PRPF3: variants seen among roughly 807,000 people sequenced by gnomAD.
The protein encoded by PRPF3 is U4/U6 small nuclear ribonucleoprotein Prp3.
A neutral mutation model predicts 89.2 loss-of-function variants in PRPF3; 3 were observed. That is an observed-to-expected ratio of 0.03 (90% CI 0.02 to 0.09). The LOEUF is 0.09. Ranked by LOEUF, PRPF3 falls within the 10% of genes least tolerant of loss-of-function variation. The pLI is 1.00. For missense variants in PRPF3, 463 were observed against 828.8 expected (o/e 0.56, Z 5.42); for synonymous variants, 270 against 289.1 (o/e 0.93, Z 0.67).
intron 9 of PRPF3, among the ~76,000 whole-genome samples, chr1:150,342,493 A>G (rs1657857270): frequency 6.8e-6 from 1 of 146,868 alleles, no homozygotes; most frequent in Admixed American, 6.9e-5. Flanking sequence ...TTCATTTTCT[A>G]TTTAAAGTTT....
intron 5 of PRPF3, 100 bp from the exon 6 acceptor site, chr1:150,332,879 C>A: frequency 1.3e-6 from 2 of 1,484,718 alleles, no homozygotes; most frequent in Non-Finnish European, 1.9e-6. Flanking sequence ...TCATAATCAT[C>A]TGCTACAGTC....
chr1:150,352,702 T>C, intron 15 of PRPF3, 131 bp from the exon 16 acceptor site: 1 of 883,086 alleles, frequency 1.1e-6, no homozygotes, highest in Non-Finnish European at 1.7e-6. Flanking sequence ...GAGGTCACAA[T>C]TTTTTTTTAA....
chr1:150,349,903 C>T (rs1278264959), intron 15 of PRPF3, among the ~76,000 whole-genome samples: 4 of 118,658 alleles, frequency 3.4e-5, no homozygotes, highest in African/African-American at 1.3e-4. Context: ...GGGCGGGGGG[C>T]GGTATGGAGT....
At chr1:150,327,910 C>A in intron 3 of PRPF3, 1 of 214,172 alleles carries the variant, frequency 4.7e-6, no homozygotes, top group East Asian at 1.2e-4. Context: ...CTAATATGAA[C>A]CAAGCTCTTA....
rs10692607 is a variant in PRPF3, at chr1:150,351,667, A to ATTTTTT, written c.1906-1145_1906-1140dup. On this transcript the variant is annotated intron_variant, in intron 15 of 15. Coordinates refer to ENST00000324862, the MANE Select transcript of PRPF3 (RefSeq NM_004698.4). ...AGGTCCACACCACTGTGCCTGGCTA[A>ATTTTTT]TTTTTTTTTTTTTTTTTTTTTTTTT... Among the ~76,000 whole-genome samples, 67 of 94,454 alleles carry ATTTTTT rather than the reference A, an allele frequency of 7.1e-4. 6 individuals carry two copies. Among genetic ancestry groups the ATTTTTT allele is most frequent in the Admixed American group, 9.1e-4 (7 of 7,730 alleles). The allele number at this position is 94,454 out of a possible 152,430, so 62.0% of individuals were successfully genotyped here. A position where few individuals can be genotyped will look rare whatever the true frequency, so the allele number is the denominator to read the frequency against.
At position 150,328,546 on chromosome 1, in the gene PRPF3, A is replaced by ATTT. The variant is rs1553864478; in HGVS notation, c.423+80_423+81insTTT. 7.6e-5 allele frequency: 55 copies of ATTT among 726,304 alleles called. No individual in the cohort carries two copies. The Middle Eastern group carries it at 1.3e-3, about 17-fold the overall frequency. 45.0% of individuals were successfully genotyped at this position (726,304 alleles called of 1,614,324 possible). On this transcript the variant is annotated intron_variant, in intron 4 of 15. Transcript: ENST00000324862. ...GTGCATGGGTCTGTATTTATTGTGG[A>ATTT]ATTTTTTTTTTTTTTTTTTTTTTGA...
chr1:150,338,498 ATTTTT>A (rs1266003723), intron 8 of PRPF3, among the ~76,000 whole-genome samples, 172 bp downstream of exon 8: 1 of 141,088 alleles, frequency 7.1e-6, no homozygotes, highest in Middle Eastern at 3.3e-3. Flanking sequence ...AGGTCCTGTT[ATTTTT>A]TTTTTTTTTT....
At chr1:150,341,105 CAAAAAAAAA>C (rs71086503) in intron 9 of PRPF3, among the ~76,000 whole-genome samples, 1 of 86,738 alleles carries the variant, frequency 1.2e-5, no homozygotes, top group Non-Finnish European at 2.2e-5. Flanking sequence ...GACCTTGTCT[CAAAAAAAAA>C]AAAAAAAAAA....
At chr1:150,326,052 T>C (rs1655676013) in intron 3 of PRPF3, among the ~76,000 whole-genome samples, 171 bp downstream of exon 3, 1 of 152,210 alleles carries the variant, frequency 6.6e-6, no homozygotes, top group Non-Finnish European at 1.5e-5. Flanking sequence ...CCATCTGAAC[T>C]ACCTCTAAGT....
chr1:150,351,042 G>A (rs1211117244), intron 15 of PRPF3, among the ~76,000 whole-genome samples: 5 of 151,904 alleles, frequency 3.3e-5, no homozygotes, highest in African/African-American at 9.7e-5. Flanking sequence ...TGAGGTGGGC[G>A]GATTACGAGG....
intron 14 of PRPF3, among the ~76,000 whole-genome samples, chr1:150,347,654 G>A (rs1327996729): frequency 4.6e-5 from 7 of 151,838 alleles, no homozygotes; most frequent in African/African-American, 1.5e-4. Context: ...CTTGAACCTG[G>A]CAGGCGGAGG....
chr1:150,349,964 C>T (rs896857253), intron 15 of PRPF3, among the ~76,000 whole-genome samples: 8 of 151,982 alleles, frequency 5.3e-5, no homozygotes, highest in Non-Finnish European at 7.4e-5. Flanking sequence ...GGCGTGATCT[C>T]GGCTCACCGC....
intron 8 of PRPF3, among the ~76,000 whole-genome samples, chr1:150,339,850 A>C (rs1464804236): frequency 6.6e-6 from 1 of 151,032 alleles, no homozygotes; most frequent in Non-Finnish European, 1.5e-5. Context: ...CAGCCTCATA[A>C]GTATCCGGGA....
At chr1:150,328,706 C>T (rs1367750043) in intron 4 of PRPF3, among the ~76,000 whole-genome samples, 1 of 151,780 alleles carries the variant, frequency 6.6e-6, no homozygotes, top group African/African-American at 2.4e-5. Context: ...GCACCCACCA[C>T]CAAGCCTGGC....
intron 4 of PRPF3, among the ~76,000 whole-genome samples, chr1:150,330,789 T>C (rs1231826659): frequency 6.6e-6 from 1 of 150,974 alleles, no homozygotes; most frequent in Non-Finnish European, 1.5e-5. Flanking sequence ...CTATCTCGGC[T>C]CACTGCAACC....
intron 4 of PRPF3, among the ~76,000 whole-genome samples, chr1:150,328,776 C>T (rs1553864621): frequency 6.6e-6 from 1 of 151,714 alleles, no homozygotes; most frequent in Non-Finnish European, 1.5e-5. Context: ...TGGTCTTGAA[C>T]TCCTGATGTC....
At chr1:150,325,720 C>G in intron 2 of PRPF3, 31 bp from the exon 3 acceptor site, 1 of 1,607,510 alleles carries the variant, frequency 6.2e-7, no homozygotes, top group Non-Finnish European at 8.5e-7. Context: ...TCTTACCTTT[C>G]CAACCCTACC....
At chr1:150,327,557 G>T in intron 3 of PRPF3, 3 of 985,564 alleles carry the variant, frequency 3.0e-6, no homozygotes, top group Non-Finnish European at 3.6e-6. Context: ...TGAACTGTAG[G>T]AGTTCCAGGA....
In PRPF3 at chr1:150,352,847, C is replaced by G; in HGVS notation, c.1920C>G (p.Asp640Glu). The G allele has an allele frequency of 6.2e-7, 1 of 1,614,016 alleles. No individual in the cohort carries two copies. Among genetic ancestry groups the G allele is most frequent in the Non-Finnish European group, 8.5e-7 (1 of 1,179,950 alleles). Reference sequence around the variant, plus strand: ...CTCTTTTCTAGGGTACAGCCAAAGACCGGAGCTTTGGAGAGATGAAGTTTA... The same window carrying G: ...CTCTTTTCTAGGGTACAGCCAAAGAGCGGAGCTTTGGAGAGATGAAGTTTA... Reference protein sequence around the residue: ...CVLVWEGTAKDRSFGEMKFKQ... With the variant: ...CVLVWEGTAKERSFGEMKFKQ... Residue 640 changes from aspartate to glutamate, a missense_variant, in exon 16 of 16, where the codon GAC (aspartate) becomes GAG (glutamate). By Grantham distance (45) the Asp-to-Glu change is conservative. Coordinates refer to ENST00000324862, the MANE Select transcript of PRPF3 (RefSeq NM_004698.4).
Sources: gnomAD v4.1 joint callset for allele counts (sites outside exome capture counted in the v4.1 genomes callset) on GRCh38, gnomAD v4.1.1 for gene constraint, MANE v1.5 for transcripts, NCBI Gene and HGNC (gene_info 2026-07-23, HGNC 2026-07-21) for gene names.